Variants in NDUFAF1 observed in about 807,000 individuals in gnomAD.
NDUFAF1 encodes complex I intermediate-associated protein 30, mitochondrial.
In NDUFAF1, 18 loss-of-function variants were observed where a neutral mutation model predicts 28.7. That is an observed-to-expected ratio of 0.63 (90% CI 0.43 to 0.93). NDUFAF1 has a LOEUF of 0.93. Ranked by LOEUF, NDUFAF1 falls within the 40% of genes least tolerant of loss-of-function variation. The probability of loss-of-function intolerance (pLI) is 0.00; values close to 1 mark genes in which losing one functional copy is unlikely to be tolerated. For synonymous variants in NDUFAF1, 113 were observed against 139.7 expected (o/e 0.81, Z 1.35); for missense variants, 404 against 398.3 (o/e 1.01, Z -0.12).
chr15:41,394,019 CTTTTTTTTT>C (rs549825524), intron 3 of NDUFAF1: 5 of 130,106 alleles, frequency 3.8e-5, no homozygotes, highest in African/African-American at 5.9e-5. Context: ...TAGGACACTA[CTTTTTTTTT>C]TTTTTTTTTT....
chr15:41,388,637 T>C (rs950792997), intron 3 of NDUFAF1, 115 bp from the exon 4 acceptor site: 5 of 726,430 alleles, frequency 6.9e-6, no homozygotes, highest in Non-Finnish European at 1.2e-5. Flanking sequence ...CATATATGTA[T>C]TATGACAAAT....
intron 1 of NDUFAF1, among the ~76,000 whole-genome samples, chr15:41,399,907 C>T (rs1723934396): frequency 7.1e-6 from 1 of 140,314 alleles, no homozygotes; most frequent in African/African-American, 2.7e-5. Flanking sequence ...GGTGTGGTGA[C>T]GGGCACCTAT....
At chr15:41,400,294 A>G (rs1260569265) in intron 1 of NDUFAF1, among the ~76,000 whole-genome samples, 1 of 148,640 alleles carries the variant, frequency 6.7e-6, no homozygotes, top group African/African-American at 2.5e-5. Flanking sequence ...TAGCTTGAAC[A>G]GGAGGTGGAG....
intron 3 of NDUFAF1, among the ~76,000 whole-genome samples, chr15:41,390,313 A>G (rs2050300519): frequency 6.6e-6 from 1 of 152,160 alleles, no homozygotes. Flanking sequence ...AATGATGTAG[A>G]AATATATTTG....
rs549267873 is a variant in NDUFAF1 at position 41,388,900 on chromosome 15, A to G, written c.760-378T>C. Among the ~76,000 whole-genome samples, 54 of 152,242 alleles carry G rather than the reference A, an allele frequency of 3.5e-4. No individual in the cohort carries two copies. The South Asian group carries it at 0.011, about 30-fold the overall frequency. Reference sequence around the variant, plus strand: ...AGATTCTATCTCAGAAAAAAAAGAAAAAAGAATTTTAACGTTTCCCTTCCT... The same window carrying G: ...AGATTCTATCTCAGAAAAAAAAGAAGAAAGAATTTTAACGTTTCCCTTCCT... On this transcript the variant is annotated intron_variant, in intron 3 of 4. Coordinates refer to ENST00000260361, the MANE Select transcript of NDUFAF1 (RefSeq NM_016013.4).
chr15:41,388,165 C>A (rs1027338357), intron 4 of NDUFAF1, among the ~76,000 whole-genome samples: 1 of 151,952 alleles, frequency 6.6e-6, no homozygotes, highest in Non-Finnish European at 1.5e-5. Context: ...TTCCTTGAAG[C>A]GTTCATAAAC....
chr15:41,393,792 C>T lies in NDUFAF1; in HGVS notation c.759+1067G>A, dbSNP rs184539340. Among the ~76,000 whole-genome samples, 241 of 147,918 alleles carry T rather than the reference C, an allele frequency of 1.6e-3. 1 individual carries two copies. Among genetic ancestry groups the T allele is most frequent in the African/African-American group, 5.8e-3 (232 of 39,864 alleles). ...TTCACCATGTTGGCCAGGATGGTCT[C>T]GATCTCTTGACCTCGTGATCTGCCC... On this transcript the variant is annotated intron_variant, in intron 3 of 4. Coordinates refer to ENST00000260361, the MANE Select transcript of NDUFAF1 (RefSeq NM_016013.4).
intron 1 of NDUFAF1, among the ~76,000 whole-genome samples, chr15:41,398,613 A>C (rs1359631581): frequency 6.6e-6 from 1 of 152,076 alleles, no homozygotes; most frequent in African/African-American, 2.4e-5. Context: ...CTCAGCCTCC[A>C]AGGTAGCTGA....
chr15:41,397,434 G>T (rs2050404937), intron 1 of NDUFAF1, among the ~76,000 whole-genome samples: 1 of 152,014 alleles, frequency 6.6e-6, no homozygotes, highest in African/African-American at 2.4e-5. Context: ...ATTTTTTGTA[G>T]AAATGGATCT....
At chr15:41,387,938 C>T (rs1202146814) in intron 4 of NDUFAF1, among the ~76,000 whole-genome samples, 1 of 152,084 alleles carries the variant, frequency 6.6e-6, no homozygotes, top group African/African-American at 2.4e-5. Context: ...GGTAAAACCT[C>T]GTCTCTACTA....
intron 3 of NDUFAF1, among the ~76,000 whole-genome samples, chr15:41,390,568 AC>A (rs2050304171): frequency 6.6e-6 from 1 of 151,602 alleles, no homozygotes; most frequent in Admixed American, 6.6e-5. Flanking sequence ...TACTAAAAAT[AC>A]AAAAAATTAG....
intron 3 of NDUFAF1, among the ~76,000 whole-genome samples, chr15:41,394,620 C>CTTTTT (rs35958824): frequency 5.4e-5 from 3 of 55,576 alleles, no homozygotes; most frequent in Non-Finnish European, 9.9e-5. Flanking sequence ...ATCTCCAAGA[C>CTTTTT]TTTTTTTTTT....
chr15:41,401,134 G>GT (rs1249511724), intron 1 of NDUFAF1, among the ~76,000 whole-genome samples: 1 of 146,080 alleles, frequency 6.8e-6, no homozygotes, highest in Non-Finnish European at 1.5e-5. Context: ...TTTTGTTTTT[G>GT]TTTTTGTTTT....
At position 41,387,608 on chromosome 15, in the gene NDUFAF1, C is replaced by T. The variant is rs2050268493; in HGVS notation, c.835-15G>A. 6.3e-7 allele frequency: 1 copy of T among 1,592,058 alleles called. No individual in the cohort carries two copies. Among genetic ancestry groups the T allele is most frequent in the South Asian group, 1.1e-5 (1 of 90,560 alleles). On this transcript the variant is annotated splice_polypyrimidine_tract_variant and intron_variant, in intron 4 of 4. Coordinates refer to ENST00000260361, the MANE Select transcript of NDUFAF1 (RefSeq NM_016013.4). ...ATAGAAGAGATCTAAATTTAAAATA[C>T]AGAAATTGATTAAAATCTCATACAG...
chr15:41,393,675 G>A (rs1165647760), intron 3 of NDUFAF1, among the ~76,000 whole-genome samples: 1 of 150,372 alleles, frequency 6.7e-6, no homozygotes, highest in East Asian at 2.0e-4. Flanking sequence ...CTGCCTCCCA[G>A]GTTCAAGCGA....
chr15:41,396,491 G>A lies in NDUFAF1; in HGVS notation c.569C>T (p.Pro190Leu). The A allele has an allele frequency of 6.2e-7, 1 of 1,613,990 alleles. No individual in the cohort carries two copies. Residue 190 changes from proline to leucine, a missense_variant, in exon 2 of 5, where the codon CCA (proline) becomes CTA (leucine). Physicochemically the swap from Pro to Leu is moderately conservative, Grantham distance 98. Transcript: ENST00000260361. ...TGGCTCCTGGGCCTCACCTACCCTT[G>A]GAATCCTGGATATCATTGCACAGTA... Reference protein sequence around the residue: ...SGYCAMISRIPRGAFERKMSY... With the variant: ...SGYCAMISRILRGAFERKMSY...
rs539845522 is a variant in NDUFAF1 at position 41,402,480 on chromosome 15, A to G, written c.-418T>C. 3 of 379,900 alleles carry G rather than the reference A, an allele frequency of 7.9e-6. No homozygotes were observed. The highest frequency in any genetic ancestry group is 6.3e-5 in the African/African-American group (3 of 47,792). 23.5% of individuals were successfully genotyped at this position (379,900 alleles called of 1,614,324 possible). Reference sequence around the variant, plus strand: ...GCCTATAGTGTACCTTCCGCCCAGAAGCCACTTTACCCGTATAGGTCCATC... The same window carrying G: ...GCCTATAGTGTACCTTCCGCCCAGAGGCCACTTTACCCGTATAGGTCCATC... On this transcript the variant is annotated 5_prime_UTR_variant, in exon 1 of 5. Transcript: ENST00000260361.
At chr15:41,391,418 C>T (rs1307917218) in intron 3 of NDUFAF1, among the ~76,000 whole-genome samples, 2 of 151,682 alleles carry the variant, frequency 1.3e-5, no homozygotes, top group Non-Finnish European at 2.9e-5. Context: ...GTCAGGAGTT[C>T]GAAACCAGCC....
chr15:41,393,638 G>A (rs935439973), intron 3 of NDUFAF1, among the ~76,000 whole-genome samples: 3 of 147,796 alleles, frequency 2.0e-5, no homozygotes, highest in African/African-American at 7.6e-5. Flanking sequence ...CTGGAGAGCA[G>A]TGGCCCATCT....
Sources: gnomAD v4.1 joint callset for allele counts (sites outside exome capture counted in the v4.1 genomes callset) on GRCh38, gnomAD v4.1.1 for gene constraint, MANE v1.5 for transcripts, NCBI Gene and HGNC (gene_info 2026-07-23, HGNC 2026-07-21) for gene names.